The following TSNARE1 variants were observed in gnomAD, a reference collection of about 807,000 sequenced individuals.
TSNARE1 encodes the protein t-SNARE domain-containing protein 1.
In TSNARE1, 49 loss-of-function variants were observed where a neutral mutation model predicts 62.0. The observed-to-expected ratio is 0.79, with a 90% CI of 0.63 to 1.00. The LOEUF is 1.00. Ranked by LOEUF, TSNARE1 falls within the 50% of genes least tolerant of loss-of-function variation. TSNARE1 has a pLI of 0.00. For missense variants in TSNARE1, 755 were observed against 700.1 expected (o/e 1.08, Z -0.88); for synonymous variants, 328 against 294.4 (o/e 1.11, Z -1.17).
rs768508365 is a variant in TSNARE1 at position 142,345,739 on chromosome 8, G to A, written c.238+4C>T. ...CCCTGAGACCCAGCGTCTGAGTGAA[G>A]TACCTCGCTTCCTGGCCCTTGGGAC... On this transcript the variant is annotated splice_donor_region_variant and intron_variant, in intron 3 of 13. Coordinates refer to ENST00000524325, the MANE Select transcript of TSNARE1 (RefSeq NM_145003.5). 2.5e-6 allele frequency: 4 copies of A among 1,596,654 alleles called. No homozygotes were observed. The highest frequency in any genetic ancestry group is 3.4e-6 in the Non-Finnish European group (4 of 1,170,338).
At chr8:142,401,480 A>G (rs1254717955) in intron 1 of TSNARE1, among the ~76,000 whole-genome samples, 1 of 152,180 alleles carries the variant, frequency 6.6e-6, no homozygotes. Context: ...TGCTGGCAGG[A>G]GCCAAACCCA....
intron 12 of TSNARE1, among the ~76,000 whole-genome samples, chr8:142,235,810 GTTTC>G (rs1336139908): frequency 6.6e-6 from 1 of 152,206 alleles, no homozygotes; most frequent in Non-Finnish European, 1.5e-5. Context: ...GGCCCTGAGC[GTTTC>G]CTCTGTGCCA....
intron 1 of TSNARE1, among the ~76,000 whole-genome samples, chr8:142,393,339 T>C (rs928633791): frequency 7.9e-5 from 12 of 152,352 alleles, no homozygotes; most frequent in South Asian, 2.1e-4. Flanking sequence ...GAAGGGTTCA[T>C]GGCAGAAGCA....
chr8:142,368,055 A>G (rs1835677739), intron 1 of TSNARE1, among the ~76,000 whole-genome samples: 1 of 152,116 alleles, frequency 6.6e-6, no homozygotes, highest in South Asian at 2.1e-4. Flanking sequence ...AAATCAAAAT[A>G]CTATAAAAGG....
At chr8:142,232,303 T>C (rs1040783275) in intron 12 of TSNARE1, among the ~76,000 whole-genome samples, 2 of 152,192 alleles carry the variant, frequency 1.3e-5, no homozygotes, top group South Asian at 4.1e-4. Context: ...CCTGGCCTCA[T>C]ACTCCTCTTC....
At chr8:142,239,451 G>A (rs943432034) in intron 12 of TSNARE1, among the ~76,000 whole-genome samples, 4 of 152,244 alleles carry the variant, frequency 2.6e-5, no homozygotes, top group African/African-American at 9.6e-5. Flanking sequence ...TCAGGAAGGG[G>A]CTAGGACGAT....
chr8:142,274,451 T>A, intron 12 of TSNARE1: 1 of 985,470 alleles, frequency 1.0e-6, no homozygotes. Context: ...GAGCTGCATG[T>A]CAGCATCTGG....
Position 142,344,380 on chromosome 8 carries a change from C to T in TSNARE1, c.331G>A (p.Gly111Ser). The T allele has an allele frequency of 6.3e-7, 1 of 1,574,934 alleles. No homozygotes were observed. Among genetic ancestry groups the T allele is most frequent in the Non-Finnish European group, 8.6e-7 (1 of 1,164,844 alleles). ...GTAGTGCTGGGCCCCGCCATCCGGC[C>T]ATGGGGCCCAGCAGCCGAGTCCTTC... ...PRKDSAAGPH[G>S]RMAGPSTTRA... The change falls in exon 4 of 14, where the codon GGC becomes AGC. Residue 111 changes from glycine (G) to serine (S), a missense_variant. Gly to Ser is a moderately conservative substitution (Grantham distance 56, BLOSUM62 0). Coordinates refer to ENST00000524325, the MANE Select transcript of TSNARE1 (RefSeq NM_145003.5).
chr8:142,220,294 A>G (rs1467848573), intron 13 of TSNARE1, among the ~76,000 whole-genome samples: 1 of 152,148 alleles, frequency 6.6e-6, no homozygotes, highest in Non-Finnish European at 1.5e-5. Flanking sequence ...CCCCATGCAG[A>G]GGCCCCACGG....
At chr8:142,342,106 C>G (rs1223219078) in intron 4 of TSNARE1, among the ~76,000 whole-genome samples, 1 of 152,248 alleles carries the variant, frequency 6.6e-6, no homozygotes. Flanking sequence ...GCCAGCTATC[C>G]CACTGACGGC....
chr8:142,281,308 T>A (rs1821408735), intron 11 of TSNARE1, among the ~76,000 whole-genome samples: 1 of 152,000 alleles, frequency 6.6e-6, no homozygotes, highest in Non-Finnish European at 1.5e-5. Context: ...CCCACTGGCC[T>A]GGGAGCCAGG....
At chr8:142,253,167 G>T (rs1210849479) in intron 12 of TSNARE1, among the ~76,000 whole-genome samples, 4 of 152,214 alleles carry the variant, frequency 2.6e-5, no homozygotes, top group Admixed American at 6.5e-5. Context: ...AGGTGGACAG[G>T]CTGGCGACAG....
intron 12 of TSNARE1, 58 bp from the exon 13 acceptor site, chr8:142,229,637 G>T: frequency 1.3e-6 from 2 of 1,540,004 alleles, no homozygotes; most frequent in Non-Finnish European, 8.9e-7. Flanking sequence ...CCATCCTCAG[G>T]GGCATTTGGC....
chr8:142,344,398 A>G lies in TSNARE1; in HGVS notation c.313T>C (p.Ser105Pro). 1 of 1,587,894 alleles carries G rather than the reference A, an allele frequency of 6.3e-7. No homozygotes were observed. Among genetic ancestry groups the G allele is most frequent in the Non-Finnish European group, 8.6e-7 (1 of 1,168,754 alleles). ...SSPTIGPRKD[S>P]AAGPHGRMAG... ...ATCCGGCCATGGGGCCCAGCAGCCG[A>G]GTCCTTCCTCGGGCCAATGGTGGGT... The change falls in exon 4 of 14, where the codon TCG becomes CCG. Residue 105 changes from serine (S) to proline (P), a missense_variant. By Grantham distance (74) the Ser-to-Pro change is moderately conservative. Transcript: ENST00000524325.
At chr8:142,303,261 C>T (rs946313039) in intron 9 of TSNARE1, among the ~76,000 whole-genome samples, 4 of 152,098 alleles carry the variant, frequency 2.6e-5, no homozygotes, top group African/African-American at 9.7e-5. Flanking sequence ...GCTCTGTGAG[C>T]GCTCCTGGGG....
intron 6 of TSNARE1, among the ~76,000 whole-genome samples, chr8:142,322,014 A>C (rs984152509): frequency 6.6e-6 from 1 of 152,228 alleles, no homozygotes; most frequent in Admixed American, 6.5e-5. Context: ...TTTTAGAAAA[A>C]CGAATTCAAC....
chr8:142,320,376 C>T (rs558652311), intron 6 of TSNARE1, among the ~76,000 whole-genome samples: 106 of 151,808 alleles, frequency 7.0e-4, no homozygotes, highest in Middle Eastern at 3.4e-3. Context: ...CCTCCCCACA[C>T]CGCCCTCCTG....
At chr8:142,327,325 A>G (rs548677584) in intron 6 of TSNARE1, among the ~76,000 whole-genome samples, 252 of 150,946 alleles carry the variant, frequency 1.7e-3, no homozygotes, top group Admixed American at 6.3e-3. Flanking sequence ...GGGCGGTTCT[A>G]TATCAGCTGG....
chr8:142,217,311 GAAAGAAAGAAAGAAAGAAAGAAAGA>G (rs1563750096), intron 13 of TSNARE1, among the ~76,000 whole-genome samples: 1 of 24,142 alleles, frequency 4.1e-5, no homozygotes, highest in Non-Finnish European at 1.0e-4. Flanking sequence ...GAAAAAGAAA[GAAAGAAAGAAAGAAAGAAAGAAAGA>G]AAGAAAGAAA....
Sources: gnomAD v4.1 joint callset for allele counts (sites outside exome capture counted in the v4.1 genomes callset) on GRCh38, gnomAD v4.1.1 for gene constraint, MANE v1.5 for transcripts, NCBI Gene and HGNC (gene_info 2026-07-23, HGNC 2026-07-21) for gene names.